The following ROBO2 variants were observed in gnomAD, a reference collection of about 807,000 sequenced individuals.
The protein encoded by ROBO2 is roundabout guidance receptor 2, also known as roundabout homolog 2.
ROBO2 carries 53 observed loss-of-function variants against 160.8 expected under a neutral mutation model. The ratio of observed to expected loss-of-function variants is 0.33; its 90% CI spans 0.26 to 0.41. ROBO2 has a LOEUF of 0.41. ROBO2 is among the 10% of genes least tolerant of loss of function. ROBO2 has a pLI of 1.00. For missense variants in ROBO2, 1,577 were observed against 1,722.4 expected (o/e 0.92, Z 1.49); for synonymous variants, 664 against 611.7 (o/e 1.09, Z -1.26).
intron 16 of ROBO2, among the ~76,000 whole-genome samples, chr3:77,581,538 G>A (rs1316750362): frequency 6.6e-6 from 1 of 152,032 alleles, no homozygotes; most frequent in Non-Finnish European, 1.5e-5. Context: ...ATTTATAAGT[G>A]TATTATTTAA....
intron 2 of ROBO2, among the ~76,000 whole-genome samples, chr3:76,736,283 AAAAAT>A (rs61262841): frequency 5.9e-5 from 7 of 119,450 alleles, no homozygotes; most frequent in Admixed American, 8.4e-5. Context: ...CTCCGTCTCA[AAAAAT>A]AAAATAAAAT....
intron 2 of ROBO2, among the ~76,000 whole-genome samples, chr3:77,231,093 G>A (rs144637957): frequency 1.3e-4 from 20 of 152,076 alleles, no homozygotes; most frequent in African/African-American, 2.9e-4. Context: ...GGCCCATTGC[G>A]GTAGCTTACA....
In ROBO2 at chr3:76,484,269, T is replaced by C. The variant is rs1577531392; in HGVS notation, c.109+546667T>C. On this transcript the variant is annotated intron_variant, in intron 2 of 26. Transcript: ENST00000487694. Reference sequence around the variant, plus strand: ...GTCTTGGTGCCATGTTCTAAATATGTGCTCTGAATATTGGAGAGGGAAAAA... The same window carrying C: ...GTCTTGGTGCCATGTTCTAAATATGCGCTCTGAATATTGGAGAGGGAAAAA... Among the ~76,000 whole-genome samples, 8 of 152,316 alleles carry C rather than the reference T, an allele frequency of 5.3e-5. No individual in the cohort carries two copies. The South Asian group carries it at 1.7e-3, about 32-fold the overall frequency.
intron 2 of ROBO2, among the ~76,000 whole-genome samples, chr3:76,128,171 A>G (rs6785364): frequency 0.98 from 148,949 of 152,156 alleles, 72,991 homozygotes; most frequent in East Asian, 1. Context: ...TGGGATTACA[A>G]GCATGAGCCA....
Position 77,519,938 on chromosome 3 carries a change from G to A in ROBO2, c.807-2837G>A, listed in dbSNP as rs975506898. Among the ~76,000 whole-genome samples, 9 of 151,406 alleles carry A rather than the reference G, an allele frequency of 5.9e-5. No homozygotes were observed. The East Asian group carries it at 7.8e-4, about 13-fold the overall frequency. On this transcript the variant is annotated intron_variant, in intron 5 of 25. Coordinates refer to ENST00000461745, the Ensembl canonical transcript of ROBO2. The stretch of plus-strand genomic sequence containing the variant: ...CTCTTTTTTCCACAGCATCATCAGC[G>A]TGTGTTATTTTTTGACTTTTTAATA...
intron 2 of ROBO2, among the ~76,000 whole-genome samples, chr3:76,412,616 T>C (rs930063088): frequency 6.6e-6 from 1 of 152,158 alleles, no homozygotes; most frequent in African/African-American, 2.4e-5. Context: ...AAGTCCAAAA[T>C]CTAGCAGGGC....
intron 5 of ROBO2, among the ~76,000 whole-genome samples, chr3:77,501,478 G>A (rs2087596648): frequency 6.6e-6 from 1 of 152,022 alleles, no homozygotes; most frequent in Non-Finnish European, 1.5e-5. Context: ...GTAACATAAG[G>A]CTGAAAGGTA....
intron 2 of ROBO2, among the ~76,000 whole-genome samples, chr3:77,031,783 G>T (rs1295429614): frequency 2.0e-5 from 3 of 149,956 alleles, no homozygotes; most frequent in Admixed American, 6.7e-5. Flanking sequence ...CCATGGGGAG[G>T]TATTAGGCAG....
At position 77,207,395 on chromosome 3, in the gene ROBO2, A is replaced by G. The variant is rs564553142; in HGVS notation, c.388+109055A>G. On this transcript the variant is annotated intron_variant, in intron 2 of 25. Transcript: ENST00000461745. The stretch of plus-strand genomic sequence containing the variant: ...AGCGTCAATTTAAACTAACTCTTCT[A>G]TATGACATAAGTCAGAATTAAAGTT... 2.0e-5 allele frequency among the ~76,000 whole-genome samples: 3 copies of G among 152,362 alleles called. No homozygotes were observed. In the East Asian group the frequency reaches 5.8e-4, roughly 29 times the overall value.
chr3:76,128,458 CTG>C (rs2071089221), intron 2 of ROBO2, among the ~76,000 whole-genome samples: 1 of 152,248 alleles, frequency 6.6e-6, no homozygotes, highest in East Asian at 1.9e-4. Flanking sequence ...TTTATAGTAA[CTG>C]TTTTCTGATT....
At chr3:77,113,499 G>A (rs116013070) in intron 2 of ROBO2, among the ~76,000 whole-genome samples, 2,653 of 152,266 alleles carry the variant, frequency 0.017, 32 homozygotes, top group Middle Eastern at 0.037. Context: ...GAATCTCAAT[G>A]TGCTTTGTCT....
At chr3:77,169,809 T>C (rs1192750550) in intron 2 of ROBO2, among the ~76,000 whole-genome samples, 2 of 152,060 alleles carry the variant, frequency 1.3e-5, no homozygotes, top group Non-Finnish European at 2.9e-5. Context: ...AAGTGTTCCA[T>C]AGGGTTGGGG....
At chr3:77,062,733 A>G (rs1323149789) in intron 1 of ROBO2, among the ~76,000 whole-genome samples, 1 of 152,180 alleles carries the variant, frequency 6.6e-6, no homozygotes, top group Non-Finnish European at 1.5e-5. Flanking sequence ...AGGAGGGTCA[A>G]GAGGGGGAAC....
rs147255304 is a variant in ROBO2, at chr3:76,983,056, C to T, written c.110-114958C>T. Among the ~76,000 whole-genome samples, 589 of 152,116 alleles carry T rather than the reference C, an allele frequency of 3.9e-3. 4 individuals are homozygous for T. Among genetic ancestry groups the T allele is most frequent in the African/African-American group, 0.013 (543 of 41,524 alleles). On this transcript the variant is annotated intron_variant, in intron 2 of 26. Transcript: ENST00000487694. ...ATCACAGCACTTTGGGAGGCCGAGG[C>T]GGGCAGATCACGAGGTCAGGAGTTT...
chr3:76,755,027 T>G (rs2108290467), intron 2 of ROBO2, among the ~76,000 whole-genome samples: 1 of 152,028 alleles, frequency 6.6e-6, no homozygotes, highest in African/African-American at 2.4e-5. Context: ...ACTTTTTCTA[T>G]ACTCTTGTTA....
chr3:77,542,334 T>G (rs552652416), intron 6 of ROBO2, among the ~76,000 whole-genome samples: 1 of 152,226 alleles, frequency 6.6e-6, no homozygotes, highest in East Asian at 1.9e-4. Flanking sequence ...TTTCACAGAC[T>G]TGAATACTCT....
chr3:77,448,560 G>A (rs1336848764), intron 2 of ROBO2, among the ~76,000 whole-genome samples: 1 of 152,040 alleles, frequency 6.6e-6, no homozygotes, highest in East Asian at 1.9e-4. Flanking sequence ...GGTTAGCAAG[G>A]CAGCTAGAGT....
intron 2 of ROBO2, among the ~76,000 whole-genome samples, chr3:76,443,424 TG>T: frequency 6.6e-6 from 1 of 152,244 alleles, no homozygotes; most frequent in Non-Finnish European, 1.5e-5. Context: ...ATGTATCCCC[TG>T]AGTATACGTA....
At chr3:76,327,299 T>C (rs1223643504) in intron 2 of ROBO2, among the ~76,000 whole-genome samples, 3 of 152,140 alleles carry the variant, frequency 2.0e-5, no homozygotes, top group African/African-American at 7.2e-5. Context: ...ATAATATACC[T>C]AAATTGGTAA....
Sources: allele counts gnomAD v4.1 joint callset (sites outside exome capture counted in the v4.1 genomes callset), GRCh38; gene constraint gnomAD v4.1.1; transcripts MANE v1.5; gene names NCBI Gene and HGNC (gene_info 2026-07-23, HGNC 2026-07-21).